The following SPMIP7 variants were observed in gnomAD, a reference collection of about 807,000 sequenced individuals.
The protein encoded by SPMIP7 is sperm microtubule inner protein 7, also known as protein SPMIP7.
the SPMIP7 span, chr7:50,151,529 A>G: frequency 6.4e-7 from 1 of 1,551,278 alleles, no homozygotes; most frequent in Non-Finnish European, 8.7e-7. Flanking sequence ...TCCATCAACA[A>G]CCCCATCACC....
At chr7:50,110,198 A>ATT in the SPMIP7 span, among the ~76,000 whole-genome samples, 1 of 151,708 alleles carries the variant, frequency 6.6e-6, no homozygotes, top group Non-Finnish European at 1.5e-5. Context: ...TGAAAGCAAC[A>ATT]AAATACAGAA....
chr7:50,159,211 G>C, the SPMIP7 span: 1 of 1,541,622 alleles, frequency 6.5e-7, no homozygotes, highest in Non-Finnish European at 8.8e-7. Context: ...TCCGCCTGGG[G>C]AAGGCTTGTG....
the SPMIP7 span, among the ~76,000 whole-genome samples, chr7:50,134,618 G>T: frequency 2.0e-5 from 3 of 152,126 alleles, no homozygotes; most frequent in Admixed American, 6.5e-5. Context: ...TGCTGAAGAT[G>T]GTTCTTCACA....
the SPMIP7 span, among the ~76,000 whole-genome samples, chr7:50,106,081 G>T: frequency 2.6e-5 from 4 of 152,192 alleles, no homozygotes; most frequent in African/African-American, 9.7e-5. Context: ...AATAAATCTA[G>T]ATATTATTTC....
chr7:50,107,912 G>T, the SPMIP7 span, among the ~76,000 whole-genome samples: 1 of 152,092 alleles, frequency 6.6e-6, no homozygotes, highest in Admixed American at 6.5e-5. Flanking sequence ...CATAAGAATG[G>T]AAAAAGGAAA....
the SPMIP7 span, among the ~76,000 whole-genome samples, chr7:50,145,826 T>C: frequency 6.6e-6 from 1 of 151,088 alleles, no homozygotes; most frequent in Non-Finnish European, 1.5e-5. Flanking sequence ...AGTCACCATT[T>C]GCTTGTTTTT....
chr7:50,127,882 A>G, the SPMIP7 span, among the ~76,000 whole-genome samples: 1 of 152,116 alleles, frequency 6.6e-6, no homozygotes, highest in South Asian at 2.1e-4. Context: ...AAATTAGTAC[A>G]GTCACTATGG....
At chr7:50,125,337 T>TACAC in the SPMIP7 span, among the ~76,000 whole-genome samples, 2 of 146,322 alleles carry the variant, frequency 1.4e-5, 1 homozygote, top group Admixed American at 1.4e-4. Context: ...CACATATATA[T>TACAC]ACATATATAT....
At chr7:50,099,941 A>G in the SPMIP7 span, among the ~76,000 whole-genome samples, 4 of 152,270 alleles carry the variant, frequency 2.6e-5, no homozygotes, top group East Asian at 7.7e-4. Context: ...GATAAATCAT[A>G]GTTCTTTAGG....
chr7:50,118,280 G>C, the SPMIP7 span, among the ~76,000 whole-genome samples: 16 of 152,222 alleles, frequency 1.1e-4, 1 homozygote, highest in East Asian at 2.1e-3. Flanking sequence ...ACTGTTAAAA[G>C]TTTTGCACTC....
At chr7:50,157,290 G>A in the SPMIP7 span, among the ~76,000 whole-genome samples, 3 of 152,306 alleles carry the variant, frequency 2.0e-5, no homozygotes, top group Non-Finnish European at 4.4e-5. Flanking sequence ...GAGAGGAAGG[G>A]ACAGTTCAAA....
the SPMIP7 span, among the ~76,000 whole-genome samples, chr7:50,103,080 T>A: frequency 1.4e-5 from 2 of 147,878 alleles, no homozygotes; most frequent in African/African-American, 4.9e-5. Context: ...TATATAATAT[T>A]AGATAGGTGG....
chr7:50,157,694 C>T, the SPMIP7 span, among the ~76,000 whole-genome samples: 2 of 152,146 alleles, frequency 1.3e-5, no homozygotes, highest in Non-Finnish European at 2.9e-5. Flanking sequence ...AATACAAGCA[C>T]TGCATTGTGT....
chr7:50,133,384 A>C, the SPMIP7 span, among the ~76,000 whole-genome samples: 1 of 152,170 alleles, frequency 6.6e-6, no homozygotes, highest in Non-Finnish European at 1.5e-5. Flanking sequence ...TTATTTTTGC[A>C]GGGGAGAGTC....
the SPMIP7 span, chr7:50,120,412 A>G: frequency 6.6e-6 from 1 of 152,192 alleles, no homozygotes; most frequent in African/African-American, 2.4e-5. Flanking sequence ...GGGGGATAAA[A>G]AAAGGTCATG....
the SPMIP7 span, among the ~76,000 whole-genome samples, chr7:50,140,990 G>A: frequency 6.6e-6 from 1 of 152,112 alleles, no homozygotes; most frequent in African/African-American, 2.4e-5. Flanking sequence ...AGTTGTGCTG[G>A]GGCTGCAGGA....
chr7:50,118,179 C>T, the SPMIP7 span, among the ~76,000 whole-genome samples: 1 of 152,246 alleles, frequency 6.6e-6, no homozygotes, highest in East Asian at 1.9e-4. Context: ...ATCCGAATGC[C>T]TGTAAATTCA....
chr7:50,149,605 T>A, the SPMIP7 span, among the ~76,000 whole-genome samples: 1 of 152,222 alleles, frequency 6.6e-6, no homozygotes, highest in African/African-American at 2.4e-5. Context: ...ATTTTCCTAG[T>A]CTCACAAAAT....
At chr7:50,144,154 G>T in the SPMIP7 span, among the ~76,000 whole-genome samples, 1 of 152,166 alleles carries the variant, frequency 6.6e-6, no homozygotes, top group Non-Finnish European at 1.5e-5. Context: ...TGAGCCAATG[G>T]TTATGCTCAG....
Sources: gnomAD v4.1 joint callset for allele counts (sites outside exome capture counted in the v4.1 genomes callset) on GRCh38, gnomAD v4.1.1 for gene constraint, MANE v1.5 for transcripts, NCBI Gene and HGNC (gene_info 2026-07-23, HGNC 2026-07-21) for gene names.